The following DRC11 variants were observed in gnomAD, a reference collection of about 807,000 sequenced individuals.
DRC11 encodes IQ and AAA domain-containing protein 1.
At chr2:236,361,002 A>G in the DRC11 span, among the ~76,000 whole-genome samples, 1 of 152,226 alleles carries the variant, frequency 6.6e-6, no homozygotes, top group Non-Finnish European at 1.5e-5. This position sits in a 1 kb window ranked among gnomAD's most constrained non-coding sequence, Gnocchi z 5.7. Flanking sequence ...ATTATCAATC[A>G]GATGAAAAAC....
chr2:236,443,151 C>T, the DRC11 span, among the ~76,000 whole-genome samples: 1 of 152,150 alleles, frequency 6.6e-6, no homozygotes, highest in Non-Finnish European at 1.5e-5. The surrounding 1 kb of genome is among the most constrained non-coding windows in gnomAD (Gnocchi z 4.4). Context: ...TCCTCAAGAA[C>T]ATTGTCAAAT....
the DRC11 span, among the ~76,000 whole-genome samples, chr2:236,339,257 GTTAT>G: frequency 1.8e-4 from 28 of 152,270 alleles, no homozygotes; most frequent in African/African-American, 6.5e-4. Context: ...TAAAAGTTGG[GTTAT>G]TTGTCTTTTT....
At chr2:236,431,899 A>T in the DRC11 span, among the ~76,000 whole-genome samples, 1 of 152,224 alleles carries the variant, frequency 6.6e-6, no homozygotes, top group Non-Finnish European at 1.5e-5. The surrounding 1 kb of genome is among the most constrained non-coding windows in gnomAD (Gnocchi z 4.2). Flanking sequence ...ACATTCATGT[A>T]CAAATGTTTT....
the DRC11 span, chr2:236,493,743 A>G: frequency 6.4e-7 from 1 of 1,550,628 alleles, no homozygotes; most frequent in Non-Finnish European, 8.7e-7. Flanking sequence ...TTATGGATTA[A>G]TGTTTGTTAA....
At chr2:236,436,779 C>T in the DRC11 span, among the ~76,000 whole-genome samples, 1 of 152,122 alleles carries the variant, frequency 6.6e-6, no homozygotes, top group African/African-American at 2.4e-5. Flanking sequence ...ATATAAAGTG[C>T]TTGCATGGTA....
chr2:236,440,407 G>A, the DRC11 span, among the ~76,000 whole-genome samples: 4 of 152,150 alleles, frequency 2.6e-5, no homozygotes, highest in African/African-American at 9.7e-5. Context: ...TCATCATTGA[G>A]TATAATGCAA....
At chr2:236,409,383 G>T in the DRC11 span, among the ~76,000 whole-genome samples, 1 of 152,068 alleles carries the variant, frequency 6.6e-6, no homozygotes, top group African/African-American at 2.4e-5. Flanking sequence ...GTGAATGGGA[G>T]TTCACTCATG....
At chr2:236,331,651 G>T in the DRC11 span, 18 of 1,338,970 alleles carry the variant, frequency 1.3e-5, no homozygotes, top group African/African-American at 1.0e-4. This position sits in a 1 kb window ranked among gnomAD's most constrained non-coding sequence, Gnocchi z 4.8. Context: ...AGAAATCAGT[G>T]CCAGTTTCCC....
At chr2:236,441,174 T>C in the DRC11 span, 1 of 1,180,894 alleles carries the variant, frequency 8.5e-7, no homozygotes, top group Non-Finnish European at 1.2e-6. Context: ...TCCTCTCTTG[T>C]TATATACCCC....
At chr2:236,435,642 C>T in the DRC11 span, among the ~76,000 whole-genome samples, 1 of 152,140 alleles carries the variant, frequency 6.6e-6, no homozygotes, top group African/African-American at 2.4e-5. Flanking sequence ...TGCCCCCTTA[C>T]AAAACCATCA....
At chr2:236,344,300 C>T in the DRC11 span, among the ~76,000 whole-genome samples, 1 of 152,190 alleles carries the variant, frequency 6.6e-6, no homozygotes, top group Admixed American at 6.5e-5. Flanking sequence ...TTTCTTACCT[C>T]TGAATCGTAT....
chr2:236,491,978 A>G, the DRC11 span, among the ~76,000 whole-genome samples: 1 of 152,170 alleles, frequency 6.6e-6, no homozygotes, highest in Admixed American at 6.5e-5. Context: ...ATGAATTAAT[A>G]CTGTTATCGG....
the DRC11 span, among the ~76,000 whole-genome samples, chr2:236,323,635 CA>C: frequency 2.0e-5 from 3 of 152,194 alleles, no homozygotes; most frequent in Admixed American, 1.3e-4. This position sits in a 1 kb window ranked among gnomAD's most constrained non-coding sequence, Gnocchi z 6.4. Context: ...GGAATCCTGG[CA>C]AAACCTGGAT....
chr2:236,377,532 GA>G, the DRC11 span, among the ~76,000 whole-genome samples: 1 of 152,158 alleles, frequency 6.6e-6, no homozygotes, highest in Non-Finnish European at 1.5e-5. The surrounding 1 kb of genome is among the most constrained non-coding windows in gnomAD (Gnocchi z 4.9). Context: ...TAATGCAATG[GA>G]CCTATAATTA....
the DRC11 span, among the ~76,000 whole-genome samples, chr2:236,334,920 C>T: frequency 6.2e-3 from 943 of 152,170 alleles, 8 homozygotes; most frequent in Middle Eastern, 0.014. This position sits in a 1 kb window ranked among gnomAD's most constrained non-coding sequence, Gnocchi z 7.8. Context: ...TGTGGAGAAA[C>T]GGAAGCCCGA....
the DRC11 span, among the ~76,000 whole-genome samples, chr2:236,340,225 G>A: frequency 6.6e-6 from 1 of 152,172 alleles, no homozygotes; most frequent in Non-Finnish European, 1.5e-5. Context: ...CCACCTCCTG[G>A]GTTCAAGTGA....
At chr2:236,495,604 T>C in the DRC11 span, among the ~76,000 whole-genome samples, 1 of 152,138 alleles carries the variant, frequency 6.6e-6, no homozygotes, top group Non-Finnish European at 1.5e-5. This position sits in a 1 kb window ranked among gnomAD's most constrained non-coding sequence, Gnocchi z 5.6. Flanking sequence ...GTTACAGACA[T>C]AGTCTTCGGA....
the DRC11 span, among the ~76,000 whole-genome samples, chr2:236,347,067 G>A: frequency 2.6e-5 from 4 of 152,178 alleles, no homozygotes; most frequent in Admixed American, 1.3e-4. Context: ...GAGAAGGGAC[G>A]CAAGACCCCA....
the DRC11 span, among the ~76,000 whole-genome samples, chr2:236,424,241 C>T: frequency 2.6e-5 from 4 of 151,868 alleles, no homozygotes; most frequent in African/African-American, 7.3e-5. Flanking sequence ...AAAAAATAGT[C>T]GGATATATAA....
Sources: gnomAD v4.1 joint callset for allele counts (sites outside exome capture counted in the v4.1 genomes callset) on GRCh38, gnomAD v4.1.1 for gene constraint, Gnocchi (gnomAD v3.1) non-coding constraint, MANE v1.5 for transcripts, NCBI Gene and HGNC (gene_info 2026-07-23, HGNC 2026-07-21) for gene names.